Variants in SMIM36 observed in about 807,000 individuals in gnomAD.
The protein encoded by SMIM36 is small integral membrane protein 36.
intron 3 of SMIM36, among the ~76,000 whole-genome samples, chr17:55,472,172 C>A (rs1240299101): frequency 6.6e-6 from 1 of 152,146 alleles, no homozygotes; most frequent in Admixed American, 6.5e-5. Flanking sequence ...CTTCCAATTC[C>A]AAACCTAGAC....
intron 1 of SMIM36, among the ~76,000 whole-genome samples, chr17:55,493,263 C>G (rs1909744335): frequency 6.6e-6 from 1 of 152,140 alleles, no homozygotes; most frequent in Admixed American, 6.6e-5. Context: ...AGGTCCTTGG[C>G]ATGTTGTTAA....
At chr17:55,483,496 G>A (rs1023308864) in intron 1 of SMIM36, among the ~76,000 whole-genome samples, 1 of 152,116 alleles carries the variant, frequency 6.6e-6, no homozygotes, top group South Asian at 2.1e-4. Context: ...CCATCATGTG[G>A]GTGGGCCTCC....
intron 1 of SMIM36, among the ~76,000 whole-genome samples, chr17:55,507,940 T>C (rs2144722829): frequency 6.6e-6 from 1 of 152,172 alleles, no homozygotes; most frequent in South Asian, 2.1e-4. Flanking sequence ...ATTAAAGAGC[T>C]CTGCTGGCAG....
chr17:55,499,436 C>G (rs1909870489), intron 1 of SMIM36, among the ~76,000 whole-genome samples: 1 of 152,158 alleles, frequency 6.6e-6, no homozygotes, highest in African/African-American at 2.4e-5. Flanking sequence ...CACACTCGAG[C>G]TGTTCTATGA....
intron 1 of SMIM36, among the ~76,000 whole-genome samples, chr17:55,499,111 G>T (rs776204158): frequency 6.6e-6 from 1 of 151,998 alleles, no homozygotes; most frequent in Non-Finnish European, 1.5e-5. Context: ...TAAAGTTCAG[G>T]CTTAGTCCAA....
intron 1 of SMIM36, among the ~76,000 whole-genome samples, chr17:55,480,141 C>G (rs775012032): frequency 9.2e-5 from 14 of 151,550 alleles, no homozygotes; most frequent in Non-Finnish European, 1.8e-4. Flanking sequence ...GTCAAGCATA[C>G]CTAGATAGCC....
At position 55,476,819 on chromosome 17, in the gene SMIM36, C is replaced by T. The variant is rs138113669; in HGVS notation, c.*347+1943G>A. 4.0e-3 allele frequency among the ~76,000 whole-genome samples: 613 copies of T among 152,196 alleles called. 2 individuals carry two copies. The highest frequency in any genetic ancestry group is 0.014 in the African/African-American group (573 of 41,534). ...TGACCTTAAGTGATCCACCCATCTC[C>T]GCCTCCCAAAGTGCTGGGATTACAG... On this transcript the variant is annotated intron_variant, in intron 3 of 4. Coordinates refer to ENST00000636752, the Ensembl canonical transcript of SMIM36.
At chr17:55,457,516 A>AT (rs562198505) in intron 4 of SMIM36, among the ~76,000 whole-genome samples, 3 of 151,220 alleles carry the variant, frequency 2.0e-5, no homozygotes, top group East Asian at 3.9e-4. Flanking sequence ...CTTTAAAAAA[A>AT]TTTTTTTTAT....
At chr17:55,501,721 A>T (rs1036320154) in intron 1 of SMIM36, among the ~76,000 whole-genome samples, 11 of 150,704 alleles carry the variant, frequency 7.3e-5, no homozygotes, top group Admixed American at 1.3e-4. Flanking sequence ...ACATTCGGGG[A>T]GGAGCCAAGA....
At chr17:55,497,984 A>G (rs1909838008) in intron 1 of SMIM36, among the ~76,000 whole-genome samples, 2 of 152,184 alleles carry the variant, frequency 1.3e-5, no homozygotes, top group Admixed American at 1.3e-4. Flanking sequence ...AATAATGGAA[A>G]TTGATTGCCT....
chr17:55,465,152 T>C (rs538803509), intron 4 of SMIM36, among the ~76,000 whole-genome samples: 4 of 152,288 alleles, frequency 2.6e-5, no homozygotes, highest in South Asian at 2.1e-4. Context: ...GAGTACGACA[T>C]TGAATGAGCA....
intron 1 of SMIM36, among the ~76,000 whole-genome samples, chr17:55,479,827 C>T (rs1909490068): frequency 6.6e-6 from 1 of 152,166 alleles, no homozygotes; most frequent in Non-Finnish European, 1.5e-5. Flanking sequence ...AAACACTTTT[C>T]CTTGTGTATA....
chr17:55,525,069 A>G, the SMIM36 span, among the ~76,000 whole-genome samples: 2 of 152,190 alleles, frequency 1.3e-5, no homozygotes, highest in African/African-American at 4.8e-5. Flanking sequence ...CAAGGCTTGA[A>G]TCTAGGCAGT....
chr17:55,492,714 A>G (rs1034690465), intron 1 of SMIM36, among the ~76,000 whole-genome samples: 9 of 152,196 alleles, frequency 5.9e-5, no homozygotes, highest in African/African-American at 2.2e-4. Context: ...AATGCAATTG[A>G]AATTCACTTA....
intron 1 of SMIM36, among the ~76,000 whole-genome samples, chr17:55,507,726 A>G: frequency 6.6e-6 from 1 of 150,846 alleles, no homozygotes; most frequent in East Asian, 1.9e-4. Flanking sequence ...CTTAAAGTAT[A>G]ATAAAAAAAA....
the SMIM36 span, chr17:55,527,162 T>A: frequency 6.6e-6 from 1 of 152,146 alleles, no homozygotes; most frequent in Non-Finnish European, 1.5e-5. Flanking sequence ...TTATTGACCA[T>A]CTTCAAAAAG....
At chr17:55,484,369 G>C (rs9892769) in intron 1 of SMIM36, among the ~76,000 whole-genome samples, 8,779 of 152,262 alleles carry the variant, frequency 0.058, 304 homozygotes, top group East Asian at 0.14. Flanking sequence ...GATAGAGCTA[G>C]AGCTGTTTTC....
chr17:55,488,692 T>C (rs1909650362), intron 1 of SMIM36, among the ~76,000 whole-genome samples: 2 of 152,248 alleles, frequency 1.3e-5, no homozygotes, highest in South Asian at 4.1e-4. Flanking sequence ...ATTTAGCTTG[T>C]CACCAATGTT....
chr17:55,485,452 A>AT (rs371128057), intron 1 of SMIM36, among the ~76,000 whole-genome samples: 1,932 of 144,250 alleles, frequency 0.013, 36 homozygotes, highest in African/African-American at 0.036. Context: ...TACCCTGCTG[A>AT]TTTTTTTTTT....
Sources: gnomAD v4.1 joint callset for allele counts (sites outside exome capture counted in the v4.1 genomes callset) on GRCh38, gnomAD v4.1.1 for gene constraint, MANE v1.5 for transcripts, NCBI Gene and HGNC (gene_info 2026-07-23, HGNC 2026-07-21) for gene names.